Variants in SCAF4 observed in about 807,000 individuals in gnomAD.
SCAF4 encodes SR-related CTD associated factor 4.
A neutral mutation model predicts 129.8 loss-of-function variants in SCAF4; 25 were observed. That is an observed-to-expected ratio of 0.19 (90% confidence interval 0.14 to 0.27). SCAF4 has a LOEUF of 0.27. Ranked by LOEUF, SCAF4 falls within the 10% of genes least tolerant of loss-of-function variation. The pLI, the probability that SCAF4 is intolerant of heterozygous loss-of-function variation, is 1.00. For missense variants in SCAF4, 1,246 were observed against 1,457.1 expected, an observed-to-expected ratio of 0.86 and a Z score of 2.36; for synonymous variants, 551 against 497.7, an observed-to-expected ratio of 1.11 and a Z score of -1.43.
chr21:31,707,136 G>A (rs1049577858), intron 1 of SCAF4, among the ~76,000 whole-genome samples: 1 of 152,076 alleles, frequency 6.6e-6, no homozygotes, highest in Non-Finnish European at 1.5e-5. Flanking sequence ...TTGGGTGTCA[G>A]CTTAACATTC....
intron 14 of SCAF4, 148 bp downstream of exon 14, chr21:31,691,666 ATTC>A (rs1047386480): frequency 1.3e-5 from 5 of 399,540 alleles, no homozygotes; most frequent in African/African-American, 2.3e-5. Context: ...TTTAGGAAAT[ATTC>A]TTTAAAAAAA....
intron 1 of SCAF4, among the ~76,000 whole-genome samples, chr21:31,713,915 G>GA (rs148718051): frequency 0.011 from 1,687 of 151,892 alleles, 33 homozygotes; most frequent in African/African-American, 0.039. Context: ...CAAACCTCAG[G>GA]AAAAAAGCTA....
intron 1 of SCAF4, among the ~76,000 whole-genome samples, chr21:31,708,743 C>A (rs1209893173): frequency 1.3e-5 from 2 of 152,180 alleles, no homozygotes; most frequent in African/African-American, 4.8e-5. Flanking sequence ...GAAACCCTCC[C>A]TTCCTTGTTC....
At chr21:31,717,842 TACACACACACACAC>T (rs66498283) in intron 1 of SCAF4, among the ~76,000 whole-genome samples, 14 of 114,380 alleles carry the variant, frequency 1.2e-4, no homozygotes, top group East Asian at 2.3e-4. Flanking sequence ...TATATATATA[TACACACACACACAC>T]ACACACACAC....
chr21:31,720,468 G>A lies in SCAF4; in HGVS notation c.30+11195C>T, dbSNP rs114075865. 7.4e-3 allele frequency among the ~76,000 whole-genome samples: 1,121 copies of A among 152,210 alleles called. 25 individuals carry two copies. The highest frequency in any genetic ancestry group is 0.026 in the African/African-American group (1,068 of 41,534). ...TATCACTTGCTACCATGCTTCAGAC[G>A]TATAAAAGCTGTTCACTGAGTCTTC... On this transcript the variant is annotated intron_variant, in intron 1 of 19. Coordinates refer to ENST00000286835, the MANE Select transcript of SCAF4 (RefSeq NM_020706.2).
At chr21:31,678,487 G>C (rs549374758) in intron 19 of SCAF4, among the ~76,000 whole-genome samples, 1 of 150,474 alleles carries the variant, frequency 6.6e-6, no homozygotes, top group African/African-American at 2.4e-5. Context: ...CCAACTTCTA[G>C]AGTCTGTTTC....
Position 31,701,124 on chromosome 21 carries a change from A to G in SCAF4, c.648T>C (p.Ser216=). 6.2e-7 allele frequency: 1 copy of G among 1,609,270 alleles called. No individual in the cohort carries two copies. The highest frequency in any genetic ancestry group is 1.1e-5 in the South Asian group (1 of 90,410). ...QTFQQPPKPQ[S]PALDNAVMAQ... ...CCATCACAGCATTGTCAAGGGCAGG[A>G]GACTGTGGTTTTGGAGGCTGTTGAA... The change falls in exon 7 of 20, where the codon TCT becomes TCC. Residue 216 remains serine, a synonymous_variant. Coordinates refer to ENST00000286835, the MANE Select transcript of SCAF4 (RefSeq NM_020706.2).
chr21:31,672,399 C>T, intron 19 of SCAF4, 45 bp from the exon 20 acceptor site: 1 of 1,403,282 alleles, frequency 7.1e-7, no homozygotes, highest in Non-Finnish European at 1.0e-6. Flanking sequence ...CCGAAGATGG[C>T]ACTCCAGTTT....
chr21:31,694,248 T>A lies in SCAF4; in HGVS notation c.1278A>T (p.Arg426=). 1 of 1,609,722 alleles carries A rather than the reference T, an allele frequency of 6.2e-7. No individual in the cohort carries two copies. Among genetic ancestry groups the A allele is most frequent in the Non-Finnish European group, 8.5e-7 (1 of 1,176,898 alleles). Residue 426 remains arginine (R), a synonymous_variant, in exon 11 of 20, where the codon CGA becomes CGT. Coordinates refer to ENST00000286835, the MANE Select transcript of SCAF4 (RefSeq NM_020706.2). ...VEQPCIQEVK[R]HMSDNRKSRS... ...TTGACTTTCTGTTATCAGACATATGTCGCTTAACCTCTTGAATACAAGGTT... is the reference window on the plus strand; with the variant it reads ...TTGACTTTCTGTTATCAGACATATGACGCTTAACCTCTTGAATACAAGGTT...
chr21:31,722,002 G>A (rs916037495), intron 1 of SCAF4, among the ~76,000 whole-genome samples: 3 of 152,070 alleles, frequency 2.0e-5, no homozygotes, highest in African/African-American at 4.8e-5. Context: ...TTACAGGCGT[G>A]AGCCACCACG....
At position 31,692,465 on chromosome 21, in the gene SCAF4, C is replaced by T. The variant is rs775563168; in HGVS notation, c.1514-16G>A. The T allele has an allele frequency of 5.1e-6, 8 of 1,562,100 alleles. No individual in the cohort carries two copies. The Admixed American group carries it at 6.7e-5, about 13-fold the overall frequency. ...GTACTGCAAACTTAAAATAAAATTA[C>T]AATCATAAAGAGATTCACATTTGAT... is the stretch of plus-strand genomic sequence containing the variant. On this transcript the variant is annotated splice_polypyrimidine_tract_variant and intron_variant, in intron 12 of 19. Transcript: ENST00000286835.
At chr21:31,673,294 A>T (rs2049758779) in intron 19 of SCAF4, among the ~76,000 whole-genome samples, 1 of 152,178 alleles carries the variant, frequency 6.6e-6, no homozygotes, top group Admixed American at 6.6e-5. Context: ...AAATAAGACA[A>T]ATACTATAAT....
intron 1 of SCAF4, among the ~76,000 whole-genome samples, chr21:31,719,314 CA>C (rs899560211): frequency 1.3e-5 from 2 of 151,110 alleles, no homozygotes; most frequent in African/African-American, 4.9e-5. Context: ...AAACAAAAAA[CA>C]AAAAAAACAC....
intron 9 of SCAF4, 47 bp downstream of exon 9, chr21:31,696,066 C>T: frequency 7.3e-7 from 1 of 1,378,700 alleles, no homozygotes; most frequent in East Asian, 2.3e-5. Flanking sequence ...ACCATACGCT[C>T]TATAATGAAT....
intron 1 of SCAF4, among the ~76,000 whole-genome samples, chr21:31,726,727 T>C (rs1409833585): frequency 1.3e-5 from 2 of 152,224 alleles, no homozygotes; most frequent in Non-Finnish European, 2.9e-5. Flanking sequence ...CAGAAATTCC[T>C]ACACATGCGC....
intron 1 of SCAF4, among the ~76,000 whole-genome samples, chr21:31,731,328 G>A (rs748823352): frequency 6.6e-6 from 1 of 152,330 alleles, no homozygotes; most frequent in South Asian, 2.1e-4. Flanking sequence ...AACGGGGCTC[G>A]CGGAGCAGAG....
At chr21:31,684,157 A>T (rs1601190552) in intron 19 of SCAF4, 1 of 153,516 alleles carries the variant, frequency 6.5e-6, no homozygotes, top group South Asian at 2.1e-4. Context: ...TTCCTAAAAC[A>T]ACTCAGATTA....
At chr21:31,690,363 T>C (rs985863301) in intron 15 of SCAF4, among the ~76,000 whole-genome samples, 1 of 152,134 alleles carries the variant, frequency 6.6e-6, no homozygotes, top group African/African-American at 2.4e-5. Context: ...CACGCGCCTG[T>C]AGTCCCAGCT....
At chr21:31,689,852 T>C (rs956510852) in intron 15 of SCAF4, among the ~76,000 whole-genome samples, 2 of 151,668 alleles carry the variant, frequency 1.3e-5, no homozygotes, top group Non-Finnish European at 2.9e-5. Context: ...GGAGAATCAC[T>C]GGAACCCGGG....
Sources: allele counts gnomAD v4.1 joint callset (sites outside exome capture counted in the v4.1 genomes callset), GRCh38; gene constraint gnomAD v4.1.1; transcripts MANE v1.5; gene names NCBI Gene and HGNC (gene_info 2026-07-23, HGNC 2026-07-21).